The following CCDC69 variants were observed in gnomAD, a reference collection of about 807,000 sequenced individuals.
CCDC69 encodes coiled-coil domain-containing protein 69.
A neutral mutation model predicts 40.3 loss-of-function variants in CCDC69; 38 were observed. The ratio of observed to expected loss-of-function variants is 0.94; its 90% CI spans 0.73 to 1.24. CCDC69 has a LOEUF of 1.24. Ranked by LOEUF, CCDC69 falls within the 50% of genes most tolerant of loss-of-function variation. The probability of loss-of-function intolerance (pLI) is 0.00; values close to 1 mark genes in which losing one functional copy is unlikely to be tolerated. For missense variants in CCDC69, 389 were observed against 357.9 expected, an observed-to-expected ratio of 1.09 and a Z score of -0.70; for synonymous variants, 141 against 138.9, an observed-to-expected ratio of 1.02 and a Z score of -0.11.
intron 4 of CCDC69, 81 bp downstream of exon 4, chr5:151,198,916 A>G: frequency 2.1e-6 from 2 of 959,886 alleles, no homozygotes. Context: ...GAACAGTGGG[A>G]GTGCCCAGGT....
chr5:151,221,530 G>C (rs116011358), intron 1 of CCDC69, among the ~76,000 whole-genome samples: 1,726 of 152,286 alleles, frequency 0.011, 36 homozygotes, highest in African/African-American at 0.04. Context: ...TTAAGCACCT[G>C]CTCCATGATC....
intron 2 of CCDC69, 118 bp from the exon 3 acceptor site, chr5:151,201,806 C>T: frequency 1.8e-6 from 1 of 566,072 alleles, no homozygotes; most frequent in Non-Finnish European, 3.0e-6. Context: ...TGGTCTCTGC[C>T]TCAAGAATGA....
rs1260308088 is a variant in CCDC69 at position 151,181,774 on chromosome 5, T to A, written c.*1663A>T. The A allele has an allele frequency of 6.6e-6, 1 of 152,248 alleles. No homozygotes were observed. The highest frequency in any genetic ancestry group is 6.5e-5 in the Admixed American group (1 of 15,284). 9.4% of individuals were successfully genotyped at this position (152,248 alleles called of 1,614,324 possible). ...GACATTAGTTCAATAAACTAGTGTA[T>A]CGCAGATGTGCTTTGCAAAAAGCTT... On this transcript the variant is annotated 3_prime_UTR_variant, in exon 9 of 9. Transcript: ENST00000355417.
intron 4 of CCDC69, among the ~76,000 whole-genome samples, chr5:151,196,857 C>A (rs779093682): frequency 1.3e-5 from 2 of 152,186 alleles, no homozygotes; most frequent in African/African-American, 4.8e-5. Context: ...TATGACCCAG[C>A]AATTCTCCTG....
At chr5:151,221,137 C>G (rs1753128654) in intron 1 of CCDC69, among the ~76,000 whole-genome samples, 2 of 152,154 alleles carry the variant, frequency 1.3e-5, no homozygotes, top group Non-Finnish European at 2.9e-5. Flanking sequence ...TGGTCTAGAA[C>G]ATCTAGTCGG....
chr5:151,213,096 A>G (rs1752976403), intron 1 of CCDC69, among the ~76,000 whole-genome samples: 1 of 152,190 alleles, frequency 6.6e-6, no homozygotes, highest in Admixed American at 6.5e-5. Context: ...TAAAGAAATT[A>G]TCTACTACAT....
intron 1 of CCDC69, among the ~76,000 whole-genome samples, chr5:151,214,999 G>A (rs1386450315): frequency 2.0e-5 from 3 of 152,158 alleles, no homozygotes; most frequent in Non-Finnish European, 4.4e-5. Context: ...GCTTCCCAGG[G>A]TGTCTGCTAG....
intron 1 of CCDC69, among the ~76,000 whole-genome samples, chr5:151,209,462 C>T (rs1322752902): frequency 6.6e-6 from 1 of 152,212 alleles, no homozygotes; most frequent in Admixed American, 6.5e-5. Flanking sequence ...ACAGGCAGCA[C>T]GTGGCCTTGT....
intron 2 of CCDC69, among the ~76,000 whole-genome samples, chr5:151,202,698 A>G (rs1752792106): frequency 6.6e-6 from 1 of 152,150 alleles, no homozygotes; most frequent in Non-Finnish European, 1.5e-5. Context: ...AGAGGGTGCT[A>G]CTTGAGAGCA....
intron 1 of CCDC69, among the ~76,000 whole-genome samples, chr5:151,219,383 G>A (rs762138725): frequency 4.0e-5 from 6 of 151,182 alleles, no homozygotes; most frequent in Non-Finnish European, 7.4e-5. Flanking sequence ...TGACCCCCCC[G>A]AGTCCAAAGC....
chr5:151,183,136 T>C lies in CCDC69; in HGVS notation c.*301A>G, dbSNP rs201978887. ...TGGCCAGCGTGACACAGACTGCCCCTGGGAAAGCCTCGGAACTTCTCGGAT... is the reference window on the plus strand; with the variant it reads ...TGGCCAGCGTGACACAGACTGCCCCCGGGAAAGCCTCGGAACTTCTCGGAT... On this transcript the variant is annotated 3_prime_UTR_variant, in exon 9 of 9. Transcript: ENST00000355417. The C allele has an allele frequency of 1.9e-4, 46 of 246,400 alleles. No individual in the cohort carries two copies. The highest frequency in any genetic ancestry group is 8.2e-4 in the African/African-American group (20 of 24,372). 15.3% of individuals were successfully genotyped at this position (246,400 alleles called of 1,614,324 possible). A position where few individuals can be genotyped will look rare whatever the true frequency, so the allele number is the denominator to read the frequency against.
intron 1 of CCDC69, chr5:151,210,637 G>T (rs567322090): frequency 2.0e-5 from 3 of 152,026 alleles, no homozygotes; most frequent in East Asian, 1.9e-4. Flanking sequence ...ATATTGGAAG[G>T]TTCGACCAAT....
chr5:151,194,270 T>C (rs1438504698), intron 4 of CCDC69, among the ~76,000 whole-genome samples: 1 of 152,232 alleles, frequency 6.6e-6, no homozygotes, highest in Non-Finnish European at 1.5e-5. Flanking sequence ...AACAGCTCTA[T>C]TCATAATTGC....
chr5:151,200,289 C>T (rs1321246544), intron 3 of CCDC69, among the ~76,000 whole-genome samples: 1 of 152,082 alleles, frequency 6.6e-6, no homozygotes, highest in African/African-American at 2.4e-5. Flanking sequence ...CAGGCATGTG[C>T]CACCAGGCTG....
intron 4 of CCDC69, 89 bp downstream of exon 4, chr5:151,198,908 A>C: frequency 1.1e-6 from 1 of 897,180 alleles, no homozygotes; most frequent in Non-Finnish European, 1.9e-6. Flanking sequence ...CAGGGAGGGA[A>C]CAGTGGGAGT....
intron 2 of CCDC69, among the ~76,000 whole-genome samples, chr5:151,202,192 A>G (rs1582045268): frequency 3.4e-4 from 1 of 2,934 alleles, no homozygotes; most frequent in African/African-American, 2.5e-3. Flanking sequence ...CCTATCTCTA[A>G]AAAAAAAAAA....
In CCDC69 at chr5:151,182,965, A is replaced by C. The variant is rs13184280; in HGVS notation, c.*472T>G. 60,123 of 447,528 alleles carry C rather than the reference A, an allele frequency of 0.13. 4,817 individuals carry two copies. The highest frequency in any genetic ancestry group is 0.2 in the South Asian group (12,416 of 63,566). 27.7% of individuals were successfully genotyped at this position (447,528 alleles called of 1,614,324 possible). A position where few individuals can be genotyped will look rare whatever the true frequency, so the allele number is the denominator to read the frequency against. On this transcript the variant is annotated 3_prime_UTR_variant, in exon 9 of 9. Coordinates refer to ENST00000355417, the MANE Select transcript of CCDC69 (RefSeq NM_015621.3). ...GCAGTGACATAAGAGTCCTTTGACC[A>C]GTCCCCCCACCATTTTAATGCAGGG...
In CCDC69 at chr5:151,185,900, T is replaced by C. The variant is rs1277230326; in HGVS notation, c.495+123A>G. 4.2e-6 allele frequency: 3 copies of C among 710,344 alleles called. No individual in the cohort carries two copies. The South Asian group carries it at 4.8e-5, about 11-fold the overall frequency. 44.0% of individuals were successfully genotyped at this position (710,344 alleles called of 1,614,324 possible). On this transcript the variant is annotated intron_variant, in intron 6 of 8. Transcript: ENST00000355417. ...TGGGAACTCTTTTATTTCCAGGCCC[T>C]TGTGTAGGTAAGAGTGCCAGGTCTG...
At chr5:151,193,985 T>C (rs67447567) in intron 4 of CCDC69, among the ~76,000 whole-genome samples, 27,574 of 152,186 alleles carry the variant, frequency 0.18, 2,556 homozygotes, top group East Asian at 0.22. Flanking sequence ...TGAGTTGTTA[T>C]TGAAATGTAA....
Sources: gnomAD v4.1 joint callset for allele counts (sites outside exome capture counted in the v4.1 genomes callset) on GRCh38, gnomAD v4.1.1 for gene constraint, MANE v1.5 for transcripts, NCBI Gene and HGNC (gene_info 2026-07-23, HGNC 2026-07-21) for gene names.